The following PUS10 variants were observed in gnomAD, a reference collection of about 807,000 sequenced individuals.
PUS10 encodes the protein pseudouridine synthase 10, also known as tRNA pseudouridine synthase Pus10.
In PUS10, 59 loss-of-function variants were observed where a neutral mutation model predicts 75.0. The observed-to-expected ratio is 0.79, with a 90% CI of 0.64 to 0.98. The LOEUF (loss-of-function observed/expected upper bound fraction) is 0.98, where lower values mean the gene tolerates loss of function less well. Among genes scored for constraint, PUS10 ranks in the 50% least tolerant of loss-of-function variants. The probability of loss-of-function intolerance (pLI) is 0.00; values close to 1 mark genes in which losing one functional copy is unlikely to be tolerated. For missense variants in PUS10, 650 were observed against 614.4 expected (o/e 1.06, Z -0.61); for synonymous variants, 219 against 211.6 (o/e 1.03, Z -0.30).
At chr2:61,017,741 C>T (rs1399704566) in intron 1 of PUS10, 7 of 1,545,896 alleles carry the variant, frequency 4.5e-6, no homozygotes, top group South Asian at 3.6e-5. Context: ...GGAGCGGGAG[C>T]CGAGAGGAGG....
Position 60,960,499 on chromosome 2 carries a change from G to A in PUS10, c.893C>T (p.Ser298Phe). ...VFVAGRYNKYSRNLPQTPWII... is the reference protein window; with the variant it reads ...VFVAGRYNKYFRNLPQTPWII... ...CCAAGGAGTTTGTGGTAGATTCCTG[G>A]AGTATTTATTATATCTCCCTGAGAA... Residue 298 changes from serine to phenylalanine, a missense_variant, in exon 11 of 18, where the codon TCC (serine) becomes TTC (phenylalanine). Ser to Phe is a radical substitution (Grantham distance 155, BLOSUM62 -2). Coordinates refer to ENST00000316752, the MANE Select transcript of PUS10 (RefSeq NM_144709.4). 1 of 1,575,810 alleles carries A rather than the reference G, an allele frequency of 6.3e-7. No homozygotes were observed. The highest frequency in any genetic ancestry group is 1.2e-5 in the South Asian group (1 of 83,700).
In PUS10 at chr2:60,967,561, A is replaced by C; in HGVS notation, c.556T>G (p.Tyr186Asp). ...RDDIVQLKEAYKWITHPLFSE... is the reference protein window; with the variant it reads ...RDDIVQLKEADKWITHPLFSE... Reference sequence around the variant, plus strand: ...AACAGGGGGTGAGTTATCCATTTGTAGGCTTCTTTTAGCTGAACTATATCA... The same window carrying C: ...AACAGGGGGTGAGTTATCCATTTGTCGGCTTCTTTTAGCTGAACTATATCA... The change falls in exon 6 of 18, where the codon TAC becomes GAC. Residue 186 changes from tyrosine to aspartate, a missense_variant. By Grantham distance (160) the Tyr-to-Asp change is radical. Coordinates refer to ENST00000316752, the MANE Select transcript of PUS10 (RefSeq NM_144709.4). 1 of 1,609,998 alleles carries C rather than the reference A, an allele frequency of 6.2e-7. No homozygotes were observed.
In PUS10 at chr2:61,007,368, G is replaced by C. The variant is rs375556394; in HGVS notation, c.382-725C>G. 2.2e-4 allele frequency among the ~76,000 whole-genome samples: 34 copies of C among 152,096 alleles called. No homozygotes were observed. The East Asian group carries it at 6.4e-3, about 29-fold the overall frequency. On this transcript the variant is annotated intron_variant, in intron 3 of 17. Transcript: ENST00000316752. ...TCCCAGCTACTTGGGAGGCTAAGGC[G>C]TGAGGATCACTTGAGCCCAGAGGTG...
intron 4 of PUS10, among the ~76,000 whole-genome samples, chr2:60,985,937 CCAA>C (rs1677694448): frequency 1.9e-5 from 1 of 53,948 alleles, no homozygotes. Context: ...CCAGACTTCA[CCAA>C]AAAAAAAAAA....
At chr2:60,960,843 T>TAAAAAAAAAAAAAA (rs34578958) in intron 10 of PUS10, among the ~76,000 whole-genome samples, 2 of 120,664 alleles carry the variant, frequency 1.7e-5, no homozygotes, top group South Asian at 2.9e-4. Context: ...ATACCAAGGA[T>TAAAAAAAAAAAAAA]AAAAAAAAAA....
chr2:60,998,960 C>T (rs1232883971), intron 4 of PUS10: 1 of 152,228 alleles, frequency 6.6e-6, no homozygotes, highest in African/African-American at 2.4e-5. Flanking sequence ...TTTGATTTGA[C>T]AAAACTCCAA....
At position 61,009,018 on chromosome 2, in the gene PUS10, G is replaced by A; in HGVS notation, c.127-3C>T. On this transcript the variant is annotated splice_region_variant and splice_polypyrimidine_tract_variant and intron_variant, in intron 2 of 17. Transcript: ENST00000316752. ...TTCTGTAGTTCATTGAGCAACTCCT[G>A]GAAAGTTAATGAAAGAAAAAGTAAT... 2 of 1,605,812 alleles carry A rather than the reference G, an allele frequency of 1.2e-6. No individual in the cohort carries two copies. Among genetic ancestry groups the A allele is most frequent in the Non-Finnish European group, 1.7e-6 (2 of 1,177,158 alleles).
chr2:60,999,850 G>A (rs1408367837), intron 4 of PUS10, among the ~76,000 whole-genome samples: 1 of 152,072 alleles, frequency 6.6e-6, no homozygotes, highest in African/African-American at 2.4e-5. Flanking sequence ...GCAGGTACAG[G>A]CTTTTTCCTG....
intron 4 of PUS10, among the ~76,000 whole-genome samples, chr2:61,000,368 G>A (rs1027013993): frequency 6.6e-6 from 1 of 152,138 alleles, no homozygotes; most frequent in South Asian, 2.1e-4. Flanking sequence ...CTCTAAATGT[G>A]TATTCATTTT....
At chr2:60,993,979 T>C (rs1404554436) in intron 4 of PUS10, among the ~76,000 whole-genome samples, 2 of 152,012 alleles carry the variant, frequency 1.3e-5, no homozygotes, top group Non-Finnish European at 2.9e-5. Context: ...TTAGTAGAGA[T>C]GGGGTTTCAC....
intron 4 of PUS10, among the ~76,000 whole-genome samples, chr2:60,974,340 C>G (rs1050646842): frequency 6.6e-6 from 1 of 151,322 alleles, no homozygotes; most frequent in Non-Finnish European, 1.5e-5. Flanking sequence ...CTCAGCCTCT[C>G]AAGTAGCTGG....
In PUS10 at chr2:61,011,851, A is replaced by C. The variant is rs777488509; in HGVS notation, c.40T>G (p.Leu14Val). Residue 14 changes from leucine to valine, a missense_variant, in exon 2 of 18, where the codon TTG becomes GTG. Coordinates refer to ENST00000316752, the MANE Select transcript of PUS10 (RefSeq NM_144709.4). ...LTEENKHVAQ[L>V]LLNTGTCPRC... ...GGACAAGTACCAGTATTGAGCAACAACTGGGCCACATGCTTGTTTTCCTCA... is the reference window on the plus strand; with the variant it reads ...GGACAAGTACCAGTATTGAGCAACACCTGGGCCACATGCTTGTTTTCCTCA... 6.2e-7 allele frequency: 1 copy of C among 1,608,452 alleles called. No homozygotes were observed. The highest frequency in any genetic ancestry group is 2.2e-5 in the East Asian group (1 of 44,546).
At chr2:61,004,939 C>T (rs1343450834) in intron 4 of PUS10, among the ~76,000 whole-genome samples, 1 of 152,100 alleles carries the variant, frequency 6.6e-6, no homozygotes, top group Non-Finnish European at 1.5e-5. Context: ...AGAGTTTAAG[C>T]AGAATAATTC....
At chr2:61,017,285 C>T (rs1032230036) in intron 1 of PUS10, 1 of 153,208 alleles carries the variant, frequency 6.5e-6, no homozygotes. Flanking sequence ...CGTTTTAGAA[C>T]AAAAGTACCA....
intron 4 of PUS10, among the ~76,000 whole-genome samples, chr2:60,982,068 A>G (rs1405967998): frequency 6.6e-6 from 1 of 151,928 alleles, no homozygotes; most frequent in Non-Finnish European, 1.5e-5. Flanking sequence ...TTCTTTTTCC[A>G]TCTCCATTAA....
At chr2:60,945,259 G>C (rs1674872194) in intron 16 of PUS10, 151 bp from the exon 17 acceptor site, 1 of 545,254 alleles carries the variant, frequency 1.8e-6, no homozygotes, top group Non-Finnish European at 3.3e-6. Flanking sequence ...AATAAGCTTT[G>C]GCAATGTGGT....
intron 11 of PUS10, among the ~76,000 whole-genome samples, chr2:60,959,327 T>A (rs946603030): frequency 1.9e-4 from 29 of 152,204 alleles, no homozygotes; most frequent in African/African-American, 5.5e-4. Flanking sequence ...AGGGCTTAGG[T>A]GCATTCATTT....
At chr2:60,977,796 G>A (rs915328539) in intron 4 of PUS10, among the ~76,000 whole-genome samples, 1 of 152,080 alleles carries the variant, frequency 6.6e-6, no homozygotes, top group Non-Finnish European at 1.5e-5. Context: ...CTTCTCTTAT[G>A]TGATCACTAG....
In PUS10 at chr2:61,018,243, GA is replaced by G. The variant is rs913435375; in HGVS notation, c.-252del. The G allele has an allele frequency of 6.4e-7, 1 of 1,551,112 alleles. No homozygotes were observed. The highest frequency in any genetic ancestry group is 2.0e-5 in the Admixed American group (1 of 51,000). On this transcript the variant is annotated 5_prime_UTR_variant, in exon 1 of 18. Coordinates refer to ENST00000316752, the MANE Select transcript of PUS10 (RefSeq NM_144709.4). ...TTTGTCCAGCCACGGCATCGACAGGGAGCAAAGTCTCTCCTTAAAGGTGTTA... is the reference window on the plus strand; with the variant it reads ...TTTGTCCAGCCACGGCATCGACAGGGGCAAAGTCTCTCCTTAAAGGTGTTA...
Sources: gnomAD v4.1 joint callset for allele counts (sites outside exome capture counted in the v4.1 genomes callset) on GRCh38, gnomAD v4.1.1 for gene constraint, MANE v1.5 for transcripts, NCBI Gene and HGNC (gene_info 2026-07-23, HGNC 2026-07-21) for gene names.